MDGA2: variants seen among roughly 807,000 people sequenced by gnomAD.
MDGA2 encodes the protein MAM domain-containing glycosylphosphatidylinositol anchor protein 2.
In MDGA2, 40 loss-of-function variants were observed where a neutral mutation model predicts 117.8. The ratio of observed to expected loss-of-function variants is 0.34; its 90% CI spans 0.26 to 0.44. The LOEUF (loss-of-function observed/expected upper bound fraction) is 0.44, where lower values mean the gene tolerates loss of function less well. MDGA2 is among the 20% of genes least tolerant of loss of function. MDGA2 has a pLI of 1.00. For missense variants in MDGA2, 1,123 were observed against 1,250.6 expected, an observed-to-expected ratio of 0.90 and a Z score of 1.54; for synonymous variants, 452 against 439.0, an observed-to-expected ratio of 1.03 and a Z score of -0.37.
At chr14:47,609,617 C>G (rs1896812336) in intron 1 of MDGA2, among the ~76,000 whole-genome samples, 1 of 150,624 alleles carries the variant, frequency 6.6e-6, no homozygotes, top group Non-Finnish European at 1.5e-5. Flanking sequence ...AGTGGGATTG[C>G]TGGATCAAAT....
chr14:47,366,174 C>G (rs1022084208), intron 1 of MDGA2, among the ~76,000 whole-genome samples: 2 of 152,116 alleles, frequency 1.3e-5, no homozygotes, highest in Admixed American at 6.5e-5. Context: ...TCAAACTTCC[C>G]CAGATGGAGG....
chr14:47,638,020 T>C (rs1897354719), intron 1 of MDGA2, among the ~76,000 whole-genome samples: 2 of 152,188 alleles, frequency 1.3e-5, no homozygotes, highest in South Asian at 2.1e-4. Context: ...CATGTGATTA[T>C]AGTCTTCAAA....
Position 47,388,311 on chromosome 14 carries a change from T to C in MDGA2, c.281-86761A>G, listed in dbSNP as rs117424821. On this transcript the variant is annotated intron_variant, in intron 1 of 16. Coordinates refer to ENST00000399232, the MANE Select transcript of MDGA2 (RefSeq NM_001113498.3). ...TAAATACTGTCCACCATTATCCAGG[T>C]TGAGAATAGTATACTGAAGTAAACT... Among the ~76,000 whole-genome samples the C allele has an allele frequency of 8.2e-3, 1,253 of 152,262 alleles. 5 individuals are homozygous for C. Among genetic ancestry groups the C allele is most frequent in the Admixed American group, 0.013 (200 of 15,292 alleles).
intron 3 of MDGA2, among the ~76,000 whole-genome samples, chr14:47,192,391 G>A (rs1885147380): frequency 6.6e-6 from 1 of 152,112 alleles, no homozygotes; most frequent in African/African-American, 2.4e-5. Context: ...GAGGTGGGTG[G>A]ATCGCTTGAG....
chr14:47,275,935 T>C (rs1888298437), intron 2 of MDGA2, among the ~76,000 whole-genome samples: 1 of 152,114 alleles, frequency 6.6e-6, no homozygotes, highest in South Asian at 2.1e-4. Context: ...TCACTTGCCA[T>C]CTCTACATTC....
chr14:47,486,737 G>T (rs1478544488), intron 1 of MDGA2, among the ~76,000 whole-genome samples: 1 of 152,066 alleles, frequency 6.6e-6, no homozygotes, highest in Non-Finnish European at 1.5e-5. Context: ...TTAAAAATGG[G>T]AATTTCTCTT....
intron 1 of MDGA2, among the ~76,000 whole-genome samples, chr14:47,525,420 T>TC (rs1894951928): frequency 6.6e-6 from 1 of 152,142 alleles, no homozygotes; most frequent in Admixed American, 6.5e-5. Flanking sequence ...GCACAGTGGT[T>TC]CAGCCTGGAA....
chr14:47,504,181 G>C (rs1894462222), intron 1 of MDGA2, among the ~76,000 whole-genome samples: 1 of 151,992 alleles, frequency 6.6e-6, no homozygotes, highest in Non-Finnish European at 1.5e-5. Flanking sequence ...CAAAACTTTG[G>C]TGTTTTAATT....
intron 7 of MDGA2, among the ~76,000 whole-genome samples, chr14:47,050,239 C>T (rs1477208787): frequency 3.9e-5 from 6 of 151,940 alleles, no homozygotes; most frequent in South Asian, 4.2e-4. Flanking sequence ...GTCAGGCCTA[C>T]GCTTTCTACA....
At position 47,323,633 on chromosome 14, in the gene MDGA2, A is replaced by G. The variant is rs911746375; in HGVS notation, c.281-22083T>C. Among the ~76,000 whole-genome samples the G allele has an allele frequency of 1.5e-3, 220 of 151,474 alleles. 1 individual carries two copies. Among genetic ancestry groups the G allele is most frequent in the African/African-American group, 5.2e-3 (215 of 41,140 alleles). ...GGCAACAGAGTAAGACTCCATCTCAAAAAACAAAACAAAACAAAACAAAAA... is the reference window on the plus strand; with the variant it reads ...GGCAACAGAGTAAGACTCCATCTCAGAAAACAAAACAAAACAAAACAAAAA... On this transcript the variant is annotated intron_variant, in intron 1 of 16. Transcript: ENST00000399232.
intron 1 of MDGA2, among the ~76,000 whole-genome samples, chr14:47,661,200 T>C (rs908483460): frequency 7.2e-5 from 11 of 152,044 alleles, no homozygotes; most frequent in African/African-American, 2.7e-4. Context: ...TAAGTATAAA[T>C]ACAAGTATTT....
chr14:47,586,232 T>C (rs1896322548), intron 1 of MDGA2, among the ~76,000 whole-genome samples: 1 of 151,928 alleles, frequency 6.6e-6, no homozygotes, highest in Non-Finnish European at 1.5e-5. Context: ...CTGCACTTAA[T>C]ACTACTACTA....
intron 3 of MDGA2, among the ~76,000 whole-genome samples, chr14:47,211,245 T>C (rs543164560): frequency 6.6e-6 from 1 of 152,234 alleles, no homozygotes; most frequent in South Asian, 2.1e-4. Flanking sequence ...AAAGATACCT[T>C]TGGCCTTCCC....
chr14:47,341,224 T>C (rs1324131856), intron 1 of MDGA2, among the ~76,000 whole-genome samples: 1 of 152,170 alleles, frequency 6.6e-6, no homozygotes, highest in Non-Finnish European at 1.5e-5. Flanking sequence ...GAATTTCACA[T>C]AATAGTGTTG....
rs1566504353 is a variant in MDGA2, at chr14:47,537,573, T to TAAAAAAAAAAAAAAAAAAAAAAAAA, written c.280+136943_280+136944insTTTTTTTTTTTTTTTTTTTTTTTTT. Among the ~76,000 whole-genome samples the TAAAAAAAAAAAAAAAAAAAAAAAAA allele has an allele frequency of 4.9e-4, 28 of 57,106 alleles. 5 individuals carry two copies. The highest frequency in any genetic ancestry group is 6.2e-4 in the Non-Finnish European group (18 of 29,088). The allele number at this position is 57,106 out of a possible 152,430, so 37.5% of individuals were successfully genotyped here. A position where few individuals can be genotyped will look rare whatever the true frequency, so the allele number is the denominator to read the frequency against. Reference sequence around the variant, plus strand: ...ATTATCCACTGTTACCTTCTCTCTGTTAAAAAAAAAAAAAAAAAAAAAAAA... The same window carrying TAAAAAAAAAAAAAAAAAAAAAAAAA: ...ATTATCCACTGTTACCTTCTCTCTGTAAAAAAAAAAAAAAAAAAAAAAAAATAAAAAAAAAAAAAAAAAAAAAAAA... On this transcript the variant is annotated intron_variant, in intron 1 of 16. Transcript: ENST00000399232.
At chr14:47,177,063 A>C (rs1258718386) in intron 3 of MDGA2, among the ~76,000 whole-genome samples, 2 of 152,174 alleles carry the variant, frequency 1.3e-5, no homozygotes, top group South Asian at 2.1e-4. Flanking sequence ...GCTCACCATC[A>C]CTGGCCATCA....
intron 3 of MDGA2, among the ~76,000 whole-genome samples, chr14:47,199,208 C>T (rs1437456477): frequency 6.6e-6 from 1 of 151,850 alleles, no homozygotes; most frequent in Non-Finnish European, 1.5e-5. Context: ...TCTCTCTATA[C>T]ATATATATGT....
At chr14:47,342,340 T>C (rs1256740334) in intron 1 of MDGA2, among the ~76,000 whole-genome samples, 1 of 149,492 alleles carries the variant, frequency 6.7e-6, no homozygotes, top group Non-Finnish European at 1.5e-5. Flanking sequence ...TATATAAATA[T>C]GTGTGTATAT....
At chr14:47,079,645 A>C (rs892303469) in intron 6 of MDGA2, among the ~76,000 whole-genome samples, 1 of 151,638 alleles carries the variant, frequency 6.6e-6, no homozygotes, top group African/African-American at 2.4e-5. Context: ...GTTATGTGGT[A>C]ATAAGTAGTT....
Sources: allele counts gnomAD v4.1 joint callset (sites outside exome capture counted in the v4.1 genomes callset), GRCh38; gene constraint gnomAD v4.1.1; transcripts MANE v1.5; gene names NCBI Gene and HGNC (gene_info 2026-07-23, HGNC 2026-07-21).